Variants in FANCM observed in about 807,000 individuals in gnomAD.
The protein encoded by FANCM is Fanconi anemia group M protein.
Under a neutral mutation model 199.5 loss-of-function variants are expected in FANCM, and 140 were observed. The observed-to-expected ratio is 0.70, with a 90% CI of 0.61 to 0.81. The LOEUF (loss-of-function observed/expected upper bound fraction) is 0.81, where lower values mean the gene tolerates loss of function less well. FANCM is among the 30% of genes least tolerant of loss of function. The probability of loss-of-function intolerance (pLI) is 0.00; values close to 1 mark genes in which losing one functional copy is unlikely to be tolerated. For missense variants in FANCM, 2,410 were observed against 2,421.4 expected, an observed-to-expected ratio of 1.00 and a Z score of 0.10; for synonymous variants, 840 against 836.8, an observed-to-expected ratio of 1.00 and a Z score of -0.07.
intron 19 of FANCM, among the ~76,000 whole-genome samples, 190 bp downstream of exon 19, chr14:45,188,077 G>A (rs1439305280): frequency 6.6e-6 from 1 of 152,162 alleles, no homozygotes; most frequent in Non-Finnish European, 1.5e-5. Flanking sequence ...GGTGGCTCAC[G>A]CCTGTAATCC....
intron 10 of FANCM, among the ~76,000 whole-genome samples, chr14:45,166,212 A>G (rs1306512800): frequency 1.3e-5 from 2 of 151,432 alleles, no homozygotes; most frequent in Admixed American, 1.3e-4. Context: ...GCTCACTGCA[A>G]CCTCCATCTC....
chr14:45,147,906 C>CA (rs1594765478), intron 3 of FANCM, among the ~76,000 whole-genome samples: 1 of 143,404 alleles, frequency 7.0e-6, no homozygotes, highest in Non-Finnish European at 1.5e-5. Flanking sequence ...CGCCCCCCCC[C>CA]CAAAAAAAAA....
At chr14:45,152,032 CTT>C (rs200837764) in intron 5 of FANCM, among the ~76,000 whole-genome samples, 19 of 137,468 alleles carry the variant, frequency 1.4e-4, no homozygotes, top group Admixed American at 1.5e-4. Flanking sequence ...TTAACTTTTT[CTT>C]TTTTTTTTTT....
In FANCM at chr14:45,176,601, A is replaced by G. The variant is rs1888719237; in HGVS notation, c.3847A>G (p.Arg1283Gly). 3 of 1,610,190 alleles carry G rather than the reference A, an allele frequency of 1.9e-6. No homozygotes were observed. The highest frequency in any genetic ancestry group is 2.2e-5 in the South Asian group (2 of 90,098). The part of the protein sequence containing the change: ...NYVSNQALIP[R>G]DHSKNFTSGT... ...TGTTTCGAATCAAGCACTAATACCA[A>G]GAGATCATAGTAAAAATTTTACTAG... is the stretch of plus-strand genomic sequence containing the variant. Residue 1283 changes from arginine (R) to glycine (G), a missense_variant, in exon 14 of 23, where the codon AGA becomes GGA. Physicochemically the swap from Arg to Gly is moderately radical, Grantham distance 125. Coordinates refer to ENST00000267430, the MANE Select transcript of FANCM (RefSeq NM_020937.4).
chr14:45,193,105 A>T (rs750089389), intron 20 of FANCM, among the ~76,000 whole-genome samples: 1 of 152,204 alleles, frequency 6.6e-6, no homozygotes, highest in South Asian at 2.1e-4. Context: ...TCCCCTATGG[A>T]ACAAAAAGCT....
intron 9 of FANCM, among the ~76,000 whole-genome samples, chr14:45,160,002 G>GTTT (rs200603043): frequency 4.9e-5 from 6 of 121,982 alleles, no homozygotes; most frequent in East Asian, 4.7e-4. Context: ...TTTTTTTTTT[G>GTTT]TTTTTTTTTT....
chr14:45,170,740 C>G lies in FANCM; in HGVS notation c.2154C>G (p.Asn718Lys), dbSNP rs762821828. 3.1e-6 allele frequency: 5 copies of G among 1,608,938 alleles called. No individual in the cohort carries two copies. Among genetic ancestry groups the G allele is most frequent in the Non-Finnish European group, 4.3e-6 (5 of 1,176,082 alleles). The change falls in exon 12 of 23, where the codon AAC becomes AAG. Residue 718 changes from asparagine (N) to lysine (K), a missense_variant. Asn to Lys is a moderately conservative substitution (Grantham distance 94). Transcript: ENST00000267430. ...TTTCTTCTTTACAAAATGAGGAAAA[C>G]AAACCAGTAAGTTGAATATATTTTC... ...VQFSSLQNEE[N>K]KPAQESTTGI... is the part of the protein sequence containing the mutation.
At position 45,188,815 on chromosome 14, in the gene FANCM, A is replaced by G. The variant is rs1405769485; in HGVS notation, c.4793A>G (p.Asp1598Gly). The part of the protein sequence containing the change: ...INIFSQIPEQ[D>G]ETYLEDSFCV... The stretch of plus-strand genomic sequence containing the variant: ...TTTTTATTGTAGATTCCTGAACAAG[A>G]TGAAACCTATTTAGAGGATAGTTTT... The change falls in exon 20 of 23, where the codon GAT becomes GGT. Residue 1598 changes from aspartate to glycine, a missense_variant. Coordinates refer to ENST00000267430, the MANE Select transcript of FANCM (RefSeq NM_020937.4). 9.3e-6 allele frequency: 15 copies of G among 1,611,142 alleles called. No individual in the cohort carries two copies. In the East Asian group the frequency reaches 2.9e-4, roughly 31 times the overall value.
rs1242311520 is a variant in FANCM at position 45,167,014 on chromosome 14, T to C, written c.1853T>C (p.Val618Ala). Reference sequence around the variant, plus strand: ...AAAGCTATTTCAAGTAACAGGCAGGTCCTTCATTTTTACCAAAGAAGTCCA... The same window carrying C: ...AAAGCTATTTCAAGTAACAGGCAGGCCCTTCATTTTTACCAAAGAAGTCCA... ...IYKAISSNRQ[V>A]LHFYQRSPRM... Residue 618 changes from valine to alanine, a missense_variant, in exon 11 of 23, where the codon GTC (valine) becomes GCC (alanine). Coordinates refer to ENST00000267430, the MANE Select transcript of FANCM (RefSeq NM_020937.4). 6.2e-7 allele frequency: 1 copy of C among 1,611,182 alleles called. No homozygotes were observed. The highest frequency in any genetic ancestry group is 2.2e-5 in the East Asian group (1 of 44,852).
rs946862124 is a variant in FANCM, at chr14:45,176,583, A to G, written c.3829A>G (p.Asn1277Asp). Reference protein sequence around the residue: ...KEISDANYVSNQALIPRDHSK... With the variant: ...KEISDANYVSDQALIPRDHSK... ...GATAAGTGATGCAAATTATGTTTCG[A>G]ATCAAGCACTAATACCAAGAGATCA... The change falls in exon 14 of 23, where the codon AAT (asparagine) becomes GAT (aspartate). Residue 1277 changes from asparagine to aspartate, a missense_variant. Transcript: ENST00000267430. The G allele has an allele frequency of 1.4e-5, 23 of 1,604,914 alleles. No individual in the cohort carries two copies. The African/African-American group carries it at 3.1e-4, about 22-fold the overall frequency.
intron 3 of FANCM, 97 bp downstream of exon 3, chr14:45,140,806 GGA>G: frequency 1.3e-6 from 1 of 789,324 alleles, no homozygotes; most frequent in South Asian, 1.4e-5. Context: ...TTTGGGAGGT[GGA>G]GATGGGAGGA....
At chr14:45,138,514 A>C (rs1374435838) in intron 2 of FANCM, among the ~76,000 whole-genome samples, 2 of 152,168 alleles carry the variant, frequency 1.3e-5, no homozygotes, top group Admixed American at 1.3e-4. Context: ...CATGTTAAAA[A>C]TTTCCATCTG....
Position 45,164,643 on chromosome 14 carries a change from G to A in FANCM, c.1788+78G>A. On this transcript the variant is annotated intron_variant, in intron 10 of 22. Transcript: ENST00000267430. ...CCCAAAGGTGAATATCAACATGTTAGCATTCCAAGTCCAAACACTCTGTAG... is the reference window on the plus strand; with the variant it reads ...CCCAAAGGTGAATATCAACATGTTAACATTCCAAGTCCAAACACTCTGTAG... 3.6e-6 allele frequency: 4 copies of A among 1,113,788 alleles called. No homozygotes were observed. In the South Asian group the frequency reaches 5.4e-5, roughly 15 times the overall value. The allele number at this position is 1,113,788 out of a possible 1,614,324, so 69.0% of individuals were successfully genotyped here. A position where few individuals can be genotyped will look rare whatever the true frequency, so the allele number is the denominator to read the frequency against.
Position 45,200,163 on chromosome 14 carries a change from T to A in FANCM, c.*155T>A. The A allele has an allele frequency of 3.9e-6, 1 of 254,514 alleles. No individual in the cohort carries two copies. The highest frequency in any genetic ancestry group is 6.7e-6 in the Non-Finnish European group (1 of 149,050). 15.8% of individuals were successfully genotyped at this position (254,514 alleles called of 1,614,324 possible). A position where few individuals can be genotyped will look rare whatever the true frequency, so the allele number is the denominator to read the frequency against. The stretch of plus-strand genomic sequence containing the variant: ...TTTATTTATAGATTATAGAAATTAT[T>A]AAAAAAGAAAAATCTGATGTTCAGT... On this transcript the variant is annotated 3_prime_UTR_variant, in exon 23 of 23. Transcript: ENST00000267430.
chr14:45,166,814 T>C, intron 10 of FANCM, 136 bp from the exon 11 acceptor site: 1 of 615,904 alleles, frequency 1.6e-6, no homozygotes. Context: ...CAACAGAAGC[T>C]CCATTTTCTA....
chr14:45,167,792 A>G (rs1312955488), intron 11 of FANCM, among the ~76,000 whole-genome samples: 1 of 152,196 alleles, frequency 6.6e-6, no homozygotes, highest in Non-Finnish European at 1.5e-5. Context: ...CATAAAAATC[A>G]TATAACTAAC....
At chr14:45,168,620 C>T (rs1466292158) in intron 11 of FANCM, among the ~76,000 whole-genome samples, 2 of 147,640 alleles carry the variant, frequency 1.4e-5, no homozygotes, top group African/African-American at 2.6e-5. Context: ...AAAGATTTAT[C>T]TTAGATTATG....
intron 3 of FANCM, among the ~76,000 whole-genome samples, chr14:45,147,035 C>T (rs1464915626): frequency 2.0e-5 from 3 of 151,986 alleles, no homozygotes; most frequent in African/African-American, 4.8e-5. Flanking sequence ...CGATTTTGGT[C>T]GTTTCTCTGT....
Position 45,173,177 on chromosome 14 carries a change from T to G in FANCM, c.2283T>G (p.Leu761=). The change falls in exon 13 of 23, where the codon CTT becomes CTG. Residue 761 remains leucine (L), a synonymous_variant. Transcript: ENST00000267430. ...ATCGATGCCGCCATTTTATAGGCCT[T>G]ATGCAAATGATAGAGGGAATGAGAC... ...HSDRCRHFIG[L]MQMIEGMRHE... The G allele has an allele frequency of 2.5e-6, 4 of 1,613,864 alleles. No individual in the cohort carries two copies. Among genetic ancestry groups the G allele is most frequent in the Non-Finnish European group, 2.5e-6 (3 of 1,179,790 alleles).
Sources: gnomAD v4.1 joint callset for allele counts (sites outside exome capture counted in the v4.1 genomes callset) on GRCh38, gnomAD v4.1.1 for gene constraint, MANE v1.5 for transcripts, NCBI Gene and HGNC (gene_info 2026-07-23, HGNC 2026-07-21) for gene names.